Variants in LGR5 observed in about 807,000 individuals in gnomAD.
LGR5 encodes the protein leucine rich repeat containing G protein-coupled receptor 5, also known as leucine-rich repeat-containing G protein-coupled receptor 5.
Under a neutral mutation model 76.7 loss-of-function variants are expected in LGR5, and 54 were observed. The observed-to-expected ratio is 0.70, with a 90% CI of 0.57 to 0.88. The LOEUF is 0.88. Ranked by LOEUF, LGR5 falls within the 40% of genes least tolerant of loss-of-function variation. The pLI is 0.00. For synonymous variants in LGR5, 406 were observed against 421.9 expected (o/e 0.96, Z 0.46); for missense variants, 1,078 against 1,073.3 (o/e 1.00, Z -0.06).
At chr12:71,489,058 C>T (rs1057264858) in intron 1 of LGR5, among the ~76,000 whole-genome samples, 2 of 152,152 alleles carry the variant, frequency 1.3e-5, no homozygotes, top group African/African-American at 4.8e-5. Flanking sequence ...AACAGACACA[C>T]TATCACAATA....
chr12:71,578,175 G>A (rs1878939716), intron 14 of LGR5, among the ~76,000 whole-genome samples, 179 bp downstream of exon 14: 1 of 152,212 alleles, frequency 6.6e-6, no homozygotes, highest in Admixed American at 6.5e-5. Context: ...GGCCACATGG[G>A]CCATTAAGTG....
chr12:71,484,951 G>A (rs962557028), intron 1 of LGR5, among the ~76,000 whole-genome samples: 2 of 152,130 alleles, frequency 1.3e-5, no homozygotes, highest in South Asian at 2.1e-4. Flanking sequence ...CATTTAATAC[G>A]TGACCAGTAG....
intron 1 of LGR5, chr12:71,448,647 T>G (rs1212396882): frequency 6.6e-6 from 1 of 152,242 alleles, no homozygotes. Context: ...CCTTTCAGTT[T>G]TTTACATATA....
At chr12:71,578,183 G>A (rs1266977709) in intron 14 of LGR5, among the ~76,000 whole-genome samples, 187 bp downstream of exon 14, 1 of 152,222 alleles carries the variant, frequency 6.6e-6, no homozygotes, top group Admixed American at 6.5e-5. Context: ...GGGCCATTAA[G>A]TGGATAATTG....
At chr12:71,492,688 A>G (rs1306213947) in intron 1 of LGR5, among the ~76,000 whole-genome samples, 1 of 152,204 alleles carries the variant, frequency 6.6e-6, no homozygotes, top group Non-Finnish European at 1.5e-5. Context: ...TTAGGGACTG[A>G]TACTAGAGTG....
At chr12:71,561,038 G>C (rs933837409) in intron 7 of LGR5, among the ~76,000 whole-genome samples, 2 of 152,102 alleles carry the variant, frequency 1.3e-5, no homozygotes, top group African/African-American at 4.8e-5. Context: ...ACTTGGAAAG[G>C]AAAATAAACA....
intron 8 of LGR5, among the ~76,000 whole-genome samples, chr12:71,564,929 G>T (rs1251739218): frequency 6.7e-6 from 1 of 150,158 alleles, no homozygotes; most frequent in African/African-American, 2.5e-5. Context: ...ATACATATAT[G>T]TGTATATATA....
At chr12:71,581,351 C>T (rs1879083656) in intron 16 of LGR5, among the ~76,000 whole-genome samples, 1 of 152,226 alleles carries the variant, frequency 6.6e-6, no homozygotes, top group Non-Finnish European at 1.5e-5. Context: ...CAATGCCTCT[C>T]AAACCACACC....
intron 1 of LGR5, among the ~76,000 whole-genome samples, chr12:71,500,661 T>G (rs2137297309): frequency 6.6e-6 from 1 of 152,232 alleles, no homozygotes; most frequent in East Asian, 1.9e-4. Context: ...GAGGTCTCCC[T>G]GTGTTGCCCA....
rs373799880 is a variant in LGR5, at chr12:71,553,162, C to A, written c.518C>A (p.Ala173Glu). Residue 173 changes from alanine to glutamate, a missense_variant, in exon 5 of 18, where the codon GCG becomes GAG. Physicochemically the swap from Ala to Glu is moderately radical, Grantham distance 107. Coordinates refer to ENST00000266674, the MANE Select transcript of LGR5 (RefSeq NM_003667.4). ...SLRHLWLDDNALTEIPVQAFR... is the reference protein window; with the variant it reads ...SLRHLWLDDNELTEIPVQAFR... ...AGGCACCTGTGGCTGGATGACAATG[C>A]GTTAACAGAAATCCCCGTCCAGGCT... The A allele has an allele frequency of 6.2e-6, 10 of 1,614,024 alleles. No homozygotes were observed. The highest frequency in any genetic ancestry group is 8.5e-6 in the Non-Finnish European group (10 of 1,179,984).
At chr12:71,582,361 C>T (rs1879127946) in intron 16 of LGR5, 95 bp from the exon 17 acceptor site, 1 of 967,638 alleles carries the variant, frequency 1.0e-6, no homozygotes, top group Non-Finnish European at 1.6e-6. Context: ...TGTGACAGTT[C>T]ATGTCTCCAG....
chr12:71,532,137 T>C (rs962326892), intron 3 of LGR5, among the ~76,000 whole-genome samples: 2 of 152,220 alleles, frequency 1.3e-5, no homozygotes, highest in African/African-American at 4.8e-5. Context: ...CAATTAATTC[T>C]ATTATCTTTA....
intron 1 of LGR5, among the ~76,000 whole-genome samples, chr12:71,442,158 G>A (rs1474058875): frequency 6.6e-6 from 1 of 152,130 alleles, no homozygotes; most frequent in Non-Finnish European, 1.5e-5. Context: ...CTTATGAATA[G>A]TTCCAGATTG....
At chr12:71,441,151 A>C (rs959684053) in intron 1 of LGR5, among the ~76,000 whole-genome samples, 1 of 151,990 alleles carries the variant, frequency 6.6e-6, no homozygotes, top group Admixed American at 6.6e-5. Flanking sequence ...TCCCCACTGC[A>C]ACTTCCAAAG....
intron 1 of LGR5, among the ~76,000 whole-genome samples, chr12:71,475,378 G>A (rs1042021188): frequency 6.6e-6 from 1 of 152,184 alleles, no homozygotes; most frequent in Non-Finnish European, 1.5e-5. Flanking sequence ...ATCCAAAGAT[G>A]ATGTCATTTC....
chr12:71,512,014 C>T (rs1465590332), intron 2 of LGR5, among the ~76,000 whole-genome samples: 1 of 145,766 alleles, frequency 6.9e-6, no homozygotes, highest in African/African-American at 2.5e-5. Flanking sequence ...GTTTTTTAGA[C>T]AAAGTCTCAC....
chr12:71,495,707 G>A (rs1316273826), intron 1 of LGR5, among the ~76,000 whole-genome samples: 1 of 150,902 alleles, frequency 6.6e-6, no homozygotes, highest in Non-Finnish European at 1.5e-5. Flanking sequence ...ATCAAGGCCA[G>A]GACTCAAACT....
intron 2 of LGR5, among the ~76,000 whole-genome samples, chr12:71,519,044 T>C (rs1875592870): frequency 6.6e-6 from 1 of 152,078 alleles, no homozygotes; most frequent in African/African-American, 2.4e-5. Context: ...ACAGATCTGA[T>C]CACATTACTC....
intron 6 of LGR5, among the ~76,000 whole-genome samples, chr12:71,557,587 A>G (rs1350211264): frequency 6.6e-6 from 1 of 152,152 alleles, no homozygotes; most frequent in Non-Finnish European, 1.5e-5. Flanking sequence ...CTATAGTAAA[A>G]ATAGAGTCAA....
Sources: gnomAD v4.1 joint callset for allele counts (sites outside exome capture counted in the v4.1 genomes callset) on GRCh38, gnomAD v4.1.1 for gene constraint, MANE v1.5 for transcripts, NCBI Gene and HGNC (gene_info 2026-07-23, HGNC 2026-07-21) for gene names.